FARP1: variants seen among roughly 807,000 people sequenced by gnomAD.
The protein encoded by FARP1 is FERM, ARHGEF and pleckstrin domain-containing protein 1.
FARP1 carries 52 observed loss-of-function variants against 128.8 expected under a neutral mutation model. The ratio of observed to expected loss-of-function variants is 0.40; its 90% CI spans 0.32 to 0.51. FARP1 has a LOEUF of 0.51. Among genes scored for constraint, FARP1 ranks in the 20% least tolerant of loss-of-function variants. FARP1 has a pLI of 0.45. For synonymous variants in FARP1, 580 were observed against 551.8 expected (o/e 1.05, Z -0.72); for missense variants, 1,333 against 1,367.9 (o/e 0.97, Z 0.40).
chr13:98,263,806 T>TG (rs1273766703), intron 2 of FARP1, among the ~76,000 whole-genome samples: 3 of 152,244 alleles, frequency 2.0e-5, no homozygotes, highest in Non-Finnish European at 4.4e-5. Context: ...CTTAACCTTT[T>TG]ATATTGTGAC....
chr13:98,266,578 A>G (rs970197967), intron 2 of FARP1, among the ~76,000 whole-genome samples: 11 of 152,226 alleles, frequency 7.2e-5, no homozygotes, highest in African/African-American at 2.7e-4. Flanking sequence ...GTTGGTCTGA[A>G]CTACTCTTTG....
chr13:98,294,473 A>G (rs1267550933), intron 2 of FARP1, among the ~76,000 whole-genome samples: 1 of 152,254 alleles, frequency 6.6e-6, no homozygotes, highest in African/African-American at 2.4e-5. Flanking sequence ...GAGTTCTCCC[A>G]CATGTCATAT....
chr13:98,162,866 G>A (rs1014610345), intron 1 of FARP1, among the ~76,000 whole-genome samples: 1 of 152,206 alleles, frequency 6.6e-6, no homozygotes. Context: ...CCTATGCACT[G>A]TTCGTGAGAG....
intron 18 of FARP1, chr13:98,433,964 G>C (rs1892146479): frequency 6.6e-6 from 1 of 152,408 alleles, no homozygotes; most frequent in African/African-American, 2.4e-5. Flanking sequence ...GGACTCCTCA[G>C]ATCTGTCGCC....
chr13:98,293,842 A>G (rs1470779896), intron 2 of FARP1, among the ~76,000 whole-genome samples: 1 of 152,106 alleles, frequency 6.6e-6, no homozygotes, highest in Non-Finnish European at 1.5e-5. Context: ...TTAAACTAAG[A>G]TGGCCATTTT....
chr13:98,233,177 A>G (rs9300468), intron 2 of FARP1, among the ~76,000 whole-genome samples: 19,707 of 152,248 alleles, frequency 0.13, 3,075 homozygotes, highest in East Asian at 0.49. Flanking sequence ...GGTGTTGTCT[A>G]ATGTTAAGAG....
intron 2 of FARP1, among the ~76,000 whole-genome samples, chr13:98,317,939 C>G (rs1174679606): frequency 6.7e-6 from 1 of 149,726 alleles, no homozygotes. Context: ...TCCTTTCCTT[C>G]TTTCCTTCCT....
At chr13:98,365,529 T>C in intron 4 of FARP1, 92 bp downstream of exon 4, 1 of 849,998 alleles carries the variant, frequency 1.2e-6, no homozygotes, top group Non-Finnish European at 1.9e-6. Flanking sequence ...CATGAAGCAC[T>C]AGAAACACAA....
chr13:98,453,976 C>A lies in FARP1; in HGVS notation c.*5659C>A, dbSNP rs935939722. The A allele has an allele frequency of 6.6e-6, 1 of 152,056 alleles. No homozygotes were observed. The highest frequency in any genetic ancestry group is 2.4e-5 in the African/African-American group (1 of 41,388). The allele number at this position is 152,056 out of a possible 1,614,324, so 9.4% of individuals were successfully genotyped here. A position where few individuals can be genotyped will look rare whatever the true frequency, so the allele number is the denominator to read the frequency against. Reference sequence around the variant, plus strand: ...GCCCCAAATCCGAAATCTGACATGCCCCAGAGAGCAGTTCCTTTGAGCCCC... The same window carrying A: ...GCCCCAAATCCGAAATCTGACATGCACCAGAGAGCAGTTCCTTTGAGCCCC... On this transcript the variant is annotated 3_prime_UTR_variant, in exon 27 of 27. Transcript: ENST00000319562.
intron 1 of FARP1, among the ~76,000 whole-genome samples, chr13:98,180,516 G>A (rs1878430900): frequency 6.6e-6 from 1 of 152,148 alleles, no homozygotes; most frequent in Non-Finnish European, 1.5e-5. Context: ...AGCCATATCT[G>A]TTTCCAGTGA....
intron 2 of FARP1, among the ~76,000 whole-genome samples, chr13:98,279,205 A>C (rs780016925): frequency 9.2e-5 from 14 of 152,186 alleles, no homozygotes; most frequent in Non-Finnish European, 1.9e-4. Context: ...ACAATAGAAA[A>C]AATTGCTCAT....
chr13:98,203,092 AAGCC>A (rs1241429724), intron 1 of FARP1, among the ~76,000 whole-genome samples: 1 of 152,214 alleles, frequency 6.6e-6, no homozygotes, highest in African/African-American at 2.4e-5. Context: ...ATCTGATGAA[AAGCC>A]AGTCCCCAGC....
At chr13:98,228,511 TC>T (rs1174292058) in intron 2 of FARP1, among the ~76,000 whole-genome samples, 5 of 152,164 alleles carry the variant, frequency 3.3e-5, no homozygotes, top group African/African-American at 1.2e-4. Context: ...AGTTTAAAAT[TC>T]AAGTTTCCCT....
At chr13:98,227,179 T>C (rs2139387594) in intron 2 of FARP1, among the ~76,000 whole-genome samples, 1 of 152,120 alleles carries the variant, frequency 6.6e-6, no homozygotes, top group East Asian at 1.9e-4. Flanking sequence ...CCTGACCTCA[T>C]GATCCGCCCG....
At chr13:98,220,309 A>G (rs1415687602) in intron 2 of FARP1, among the ~76,000 whole-genome samples, 2 of 152,180 alleles carry the variant, frequency 1.3e-5, no homozygotes, top group Non-Finnish European at 2.9e-5. Context: ...GAGGAGGAGG[A>G]GGATAGACCC....
In FARP1 at chr13:98,454,178, G is replaced by A. The variant is rs1215964501; in HGVS notation, c.*5861G>A. On this transcript the variant is annotated 3_prime_UTR_variant, in exon 27 of 27. Coordinates refer to ENST00000319562, the MANE Select transcript of FARP1 (RefSeq NM_005766.4). ...AGAGAATTCAGTAAGTTTATGACCTGGTATGACAACAGAAGGCAATGCACC... is the reference window on the plus strand; with the variant it reads ...AGAGAATTCAGTAAGTTTATGACCTAGTATGACAACAGAAGGCAATGCACC... 6.6e-6 allele frequency: 1 copy of A among 152,198 alleles called. No individual in the cohort carries two copies. Among genetic ancestry groups the A allele is most frequent in the Non-Finnish European group, 1.5e-5 (1 of 68,040 alleles). 9.4% of individuals were successfully genotyped at this position (152,198 alleles called of 1,614,324 possible).
intron 1 of FARP1, among the ~76,000 whole-genome samples, chr13:98,208,994 T>C (rs1880480597): frequency 6.6e-6 from 1 of 152,134 alleles, no homozygotes; most frequent in Non-Finnish European, 1.5e-5. Flanking sequence ...GCTTTAACAC[T>C]TTCCTGAGTT....
intron 2 of FARP1, among the ~76,000 whole-genome samples, chr13:98,311,744 C>CA (rs1024551492): frequency 3.9e-5 from 6 of 152,042 alleles, no homozygotes; most frequent in African/African-American, 1.4e-4. Context: ...CTCGTACTTT[C>CA]AAAAATAAAC....
intron 13 of FARP1, chr13:98,404,682 A>G (rs1164466992): frequency 6.6e-6 from 1 of 152,240 alleles, no homozygotes; most frequent in East Asian, 1.9e-4. Flanking sequence ...GAACAGAATA[A>G]AAGAAGACAA....
Sources: gnomAD v4.1 joint callset for allele counts (sites outside exome capture counted in the v4.1 genomes callset) on GRCh38, gnomAD v4.1.1 for gene constraint, MANE v1.5 for transcripts, NCBI Gene and HGNC (gene_info 2026-07-23, HGNC 2026-07-21) for gene names.